Variants in ANAPC15 observed in about 807,000 individuals in gnomAD.
ANAPC15 encodes anaphase-promoting complex subunit 15.
In ANAPC15, 13 loss-of-function variants were observed where a neutral mutation model predicts 19.8. The observed-to-expected ratio is 0.66, with a 90% CI of 0.43 to 1.04. The LOEUF is 1.04. Ranked by LOEUF, ANAPC15 falls within the 50% of genes least tolerant of loss-of-function variation. ANAPC15 has a pLI of 0.00. For missense variants in ANAPC15, 88 were observed against 150.3 expected, an observed-to-expected ratio of 0.59 and a Z score of 2.17; for synonymous variants, 45 against 50.7, an observed-to-expected ratio of 0.89 and a Z score of 0.47.
chr11:72,112,105 G>C (rs985778731), intron 1 of ANAPC15: 1 of 152,950 alleles, frequency 6.5e-6, no homozygotes, highest in Non-Finnish European at 1.5e-5. Flanking sequence ...GAAAATAATC[G>C]ATGCCTGGTC....
In ANAPC15 at chr11:72,110,621, G is replaced by C. The variant is rs1946538234; in HGVS notation, c.121-18C>G. ...CTTTGGAGCTGTGGGCAAAGGCACA[G>C]AGGAACAAGGCCAGAGCCCAAGTAG... On this transcript the variant is annotated intron_variant, in intron 3 of 5. Coordinates refer to ENST00000227618, the MANE Select transcript of ANAPC15 (RefSeq NM_014042.3). 6.2e-7 allele frequency: 1 copy of C among 1,614,090 alleles called. No individual in the cohort carries two copies. The highest frequency in any genetic ancestry group is 1.1e-5 in the South Asian group (1 of 91,092).
At chr11:72,107,676 A>C, downstream of ANAPC15, 1 of 616,970 alleles carries the variant, frequency 1.6e-6, no homozygotes, top group Non-Finnish European at 2.9e-6. Context: ...TCAATCCCAA[A>C]GGCCTTCAGC....
In ANAPC15 at chr11:72,111,492, T is replaced by G. The variant is rs1419017189; in HGVS notation, c.-91A>C. ...CTTAACCTCTCTGAGCCTCAGTGTC[T>G]TCATCTGTAAAATGGGGATAATAAC... On this transcript the variant is annotated 5_prime_UTR_variant, in exon 2 of 6. Transcript: ENST00000227618. The G allele has an allele frequency of 4.1e-6, 2 of 491,334 alleles. No homozygotes were observed. Among genetic ancestry groups the G allele is most frequent in the Non-Finnish European group, 7.4e-6 (2 of 271,016 alleles). The allele number at this position is 491,334 out of a possible 1,614,324, so 30.4% of individuals were successfully genotyped here. A position where few individuals can be genotyped will look rare whatever the true frequency, so the allele number is the denominator to read the frequency against.
At chr11:72,109,484 C>G (rs746232264), downstream of ANAPC15, 2 of 387,856 alleles carry the variant, frequency 5.2e-6, no homozygotes, top group Non-Finnish European at 1.0e-5. Flanking sequence ...CCCACCTAGC[C>G]AATTAGGTGT....
Position 72,109,822 on chromosome 11 carries a change from G to C in ANAPC15, c.*59C>G. 1 of 1,603,244 alleles carries C rather than the reference G, an allele frequency of 6.2e-7. No homozygotes were observed. Reference sequence around the variant, plus strand: ...TTCTGTGGGCAGGGGTTGGGGGTTGGGATGCAGGGTAGTTTGGGCTGGCCT... The same window carrying C: ...TTCTGTGGGCAGGGGTTGGGGGTTGCGATGCAGGGTAGTTTGGGCTGGCCT... On this transcript the variant is annotated 3_prime_UTR_variant, in exon 6 of 6. Coordinates refer to ENST00000227618, the MANE Select transcript of ANAPC15 (RefSeq NM_014042.3).
In ANAPC15 at chr11:72,110,637, G is replaced by GC. The variant is rs766174504; in HGVS notation, c.121-35dup. On this transcript the variant is annotated intron_variant, in intron 3 of 5. Transcript: ENST00000227618. ...AAAGGCACAGAGGAACAAGGCCAGAGCCCAAGTAGGGCAGGTCAGGGGCAT... is the reference window on the plus strand; with the variant it reads ...AAAGGCACAGAGGAACAAGGCCAGAGCCCCAAGTAGGGCAGGTCAGGGGCAT... 5.6e-6 allele frequency: 9 copies of GC among 1,613,746 alleles called. No individual in the cohort carries two copies. The East Asian group carries it at 1.8e-4, about 32-fold the overall frequency.
intron 3 of ANAPC15, 127 bp downstream of exon 3, chr11:72,111,030 G>A (rs1028444995): frequency 4.2e-5 from 30 of 717,714 alleles, no homozygotes; most frequent in Admixed American, 3.8e-4. Flanking sequence ...CTCCCAGCCC[G>A]ATTATTCCCA....
At position 72,110,121 on chromosome 11, in the gene ANAPC15, G is replaced by A; in HGVS notation, c.285C>T (p.Tyr95=). Reference sequence around the variant, plus strand: ...CCTCTCCATCATCCGGTGACTCATTGTAGTCATTCATCTCGTCCATGTCCT... The same window carrying A: ...CCTCTCCATCATCCGGTGACTCATTATAGTCATTCATCTCGTCCATGTCCT... ...DMQDMDEMND[Y]NESPDDGEVN... Residue 95 remains tyrosine, a synonymous_variant, in exon 5 of 6, where the codon TAC becomes TAT. Transcript: ENST00000227618. 1 of 1,614,150 alleles carries A rather than the reference G, an allele frequency of 6.2e-7. No homozygotes were observed. Among genetic ancestry groups the A allele is most frequent in the Non-Finnish European group, 8.5e-7 (1 of 1,180,030 alleles).
chr11:72,107,872 G>A (rs17161976), downstream of ANAPC15: 6,728 of 1,541,510 alleles, frequency 4.4e-3, 286 homozygotes, highest in African/African-American at 0.081. Context: ...TTTTATCAGG[G>A]GCCCTGCATC....
In ANAPC15 at chr11:72,109,714, T is replaced by A; in HGVS notation, c.*167A>T. The A allele has an allele frequency of 1.3e-6, 1 of 773,684 alleles. No individual in the cohort carries two copies. The highest frequency in any genetic ancestry group is 2.2e-6 in the Non-Finnish European group (1 of 463,586). 47.9% of individuals were successfully genotyped at this position (773,684 alleles called of 1,614,324 possible). The stretch of plus-strand genomic sequence containing the variant: ...GGATTTCAAGTGCAGACTGATGGCC[T>A]GGGAGGGGCCAAAGAGACCAGATCC... On this transcript the variant is annotated 3_prime_UTR_variant, in exon 6 of 6. Coordinates refer to ENST00000227618, the MANE Select transcript of ANAPC15 (RefSeq NM_014042.3).
At chr11:72,108,239 C>T, downstream of ANAPC15, 2 of 887,508 alleles carry the variant, frequency 2.3e-6, no homozygotes. Context: ...GACTGTGATG[C>T]TGGATGGTGT....
In ANAPC15 at chr11:72,112,672, C is replaced by G. The variant is rs753476430; in HGVS notation, c.-118G>C. Reference sequence around the variant, plus strand: ...TACCGCGCCGGGAGGCTGCTGCCGGCGGCGACCCGGAAGCGCTTCACCCAG... The same window carrying G: ...TACCGCGCCGGGAGGCTGCTGCCGGGGGCGACCCGGAAGCGCTTCACCCAG... On this transcript the variant is annotated 5_prime_UTR_variant, in exon 1 of 6. Coordinates refer to ENST00000227618, the MANE Select transcript of ANAPC15 (RefSeq NM_014042.3). The G allele has an allele frequency of 3.5e-5, 16 of 456,668 alleles. No individual in the cohort carries two copies. Among genetic ancestry groups the G allele is most frequent in the South Asian group, 2.5e-4 (16 of 64,562 alleles). The allele number at this position is 456,668 out of a possible 1,614,324, so 28.3% of individuals were successfully genotyped here.
chr11:72,108,628 A>C, downstream of ANAPC15: 1 of 1,489,150 alleles, frequency 6.7e-7, no homozygotes, highest in East Asian at 2.5e-5. Context: ...TGGGCAGCTC[A>C]GAGGACGTGA....
At chr11:72,106,940 CAA>C (rs34155157), downstream of ANAPC15, 129 of 82,442 alleles carry the variant, frequency 1.6e-3, no homozygotes, top group South Asian at 5.8e-3. Context: ...GAACCTGTCT[CAA>C]AAAAAAAAAA....
At chr11:72,109,032 C>T (rs1946051354), downstream of ANAPC15, 9 of 995,438 alleles carry the variant, frequency 9.0e-6, 1 homozygote, top group South Asian at 1.5e-4. Flanking sequence ...ACGCTGGGCT[C>T]AGGGCTAGGG....
At chr11:72,110,276 T>C (rs1271317065) in intron 4 of ANAPC15, 51 bp from the exon 5 acceptor site, 1 of 1,608,122 alleles carries the variant, frequency 6.2e-7, no homozygotes, top group Non-Finnish European at 8.5e-7. Flanking sequence ...ATGGACCAGT[T>C]CAAGAACTGA....
intron 1 of ANAPC15, chr11:72,111,830 T>C (rs1019105410): frequency 6.5e-6 from 1 of 154,808 alleles, no homozygotes; most frequent in African/African-American, 2.4e-5. Context: ...GGTGGAGGGA[T>C]TGTAGCATAT....
At chr11:72,107,301 G>T, downstream of ANAPC15, 1 of 603,190 alleles carries the variant, frequency 1.7e-6, no homozygotes, top group Non-Finnish European at 3.0e-6. Context: ...CCAATTCCAA[G>T]ATCAGAAATA....
downstream of ANAPC15, chr11:72,107,781 A>T: frequency 1.2e-6 from 1 of 826,000 alleles, no homozygotes. Context: ...CCAGGAGGGC[A>T]GCTGGGGCTA....
Sources: gnomAD v4.1 joint callset for allele counts on GRCh38, gnomAD v4.1.1 for gene constraint, MANE v1.5 for transcripts, NCBI Gene and HGNC (gene_info 2026-07-23, HGNC 2026-07-21) for gene names.